Variants in STOX1 observed in about 807,000 individuals in gnomAD.
STOX1 encodes storkhead box 1, also known as storkhead-box protein 1.
Under a neutral mutation model 74.8 loss-of-function variants are expected in STOX1, and 57 were observed. The ratio of observed to expected loss-of-function variants is 0.76; its 90% confidence interval spans 0.62 to 0.95. The LOEUF (loss-of-function observed/expected upper bound fraction) is 0.95. Ranked by LOEUF, STOX1 falls within the 40% of genes least tolerant of loss-of-function variation. The probability of loss-of-function intolerance (pLI) is 0.00; values close to 1 mark genes in which losing one functional copy is unlikely to be tolerated. For synonymous variants in STOX1, 375 were observed against 401.3 expected (o/e 0.93, Z 0.78); for missense variants, 1,010 against 1,117.0 (o/e 0.90, Z 1.37).
intron 1 of STOX1, among the ~76,000 whole-genome samples, chr10:68,865,397 C>T (rs1840379768): frequency 6.6e-6 from 1 of 152,238 alleles, no homozygotes; most frequent in African/African-American, 2.4e-5. Context: ...CGCCTGTAAT[C>T]CCAGCACTTT....
chr10:68,843,052 T>G (rs1839736000), intron 1 of STOX1, among the ~76,000 whole-genome samples: 1 of 152,198 alleles, frequency 6.6e-6, no homozygotes, highest in Non-Finnish European at 1.5e-5. Flanking sequence ...ATATTTTAAT[T>G]TTTTGAAACA....
At chr10:68,842,573 C>T (rs1168003165) in intron 1 of STOX1, among the ~76,000 whole-genome samples, 2 of 113,290 alleles carry the variant, frequency 1.8e-5, no homozygotes, top group Non-Finnish European at 3.3e-5. Context: ...TGGAGTCTTG[C>T]TCTGTCACCC....
At chr10:68,872,027 G>C (rs10082399) in intron 1 of STOX1, among the ~76,000 whole-genome samples, 2 of 151,910 alleles carry the variant, frequency 1.3e-5, no homozygotes, top group Non-Finnish European at 2.9e-5. Flanking sequence ...TTAAACTTGA[G>C]TGTACCTGCA....
At position 68,856,287 on chromosome 10, in the gene STOX1, T is replaced by TA. The variant is rs539573334; in HGVS notation, c.311-25667dup. On this transcript the variant is annotated intron_variant, in intron 1 of 3. Coordinates refer to ENST00000298596, the MANE Select transcript of STOX1 (RefSeq NM_152709.5). ...CAGTTAAATTCAGCATTTACAGGGA[T>TA]AAAATTGCAGCTGCAGGGAGAAGCT... Among the ~76,000 whole-genome samples the TA allele has an allele frequency of 1.6e-3, 245 of 152,132 alleles. 1 individual carries two copies. Among genetic ancestry groups the TA allele is most frequent in the Non-Finnish European group, 2.9e-3 (197 of 68,016 alleles).
At chr10:68,868,615 G>A (rs1363654250) in intron 1 of STOX1, among the ~76,000 whole-genome samples, 5 of 152,154 alleles carry the variant, frequency 3.3e-5, no homozygotes, top group Non-Finnish European at 5.9e-5. Context: ...GGCTGAGGCA[G>A]GAGAATCTCC....
Position 68,885,169 on chromosome 10 carries a change from C to T in STOX1, c.1373C>T (p.Thr458Ile), listed in dbSNP as rs755929976. The T allele has an allele frequency of 2.5e-6, 4 of 1,614,168 alleles. No individual in the cohort carries two copies. In the Admixed American group the frequency reaches 5.0e-5, roughly 20 times the overall value. The change falls in exon 3 of 4, where the codon ACA becomes ATA. Residue 458 changes from threonine to isoleucine, a missense_variant. Coordinates refer to ENST00000298596, the MANE Select transcript of STOX1 (RefSeq NM_152709.5). ...RLEKHPKLPA[T>I]QPIPRIKSPN... The stretch of plus-strand genomic sequence containing the variant: ...GAGAAACACCCCAAGCTCCCTGCTA[C>T]ACAGCCCATCCCCAGAATTAAAAGC...
chr10:68,877,881 TC>T (rs869270570), intron 1 of STOX1, among the ~76,000 whole-genome samples: 3 of 152,192 alleles, frequency 2.0e-5, no homozygotes, highest in Non-Finnish European at 2.9e-5. Flanking sequence ...GGGAAACTTT[TC>T]CCCCCTCTTT....
chr10:68,849,438 G>A (rs1839927370), intron 1 of STOX1, among the ~76,000 whole-genome samples: 1 of 152,142 alleles, frequency 6.6e-6, no homozygotes, highest in South Asian at 2.1e-4. Flanking sequence ...TAATAGTATG[G>A]AATGGCTCAT....
rs533068128 is a variant in STOX1, at chr10:68,854,587, T to C, written c.310+26654T>C. ...TGCTGGGGTTACAGGTGTGAGCCACTCCACCTGGCCCATACCACCTTTCCA... is the reference window on the plus strand; with the variant it reads ...TGCTGGGGTTACAGGTGTGAGCCACCCCACCTGGCCCATACCACCTTTCCA... On this transcript the variant is annotated intron_variant, in intron 1 of 3. Transcript: ENST00000298596. 2.2e-3 allele frequency among the ~76,000 whole-genome samples: 333 copies of C among 152,182 alleles called. 6 individuals are homozygous for C. The South Asian group carries it at 0.027, about 12-fold the overall frequency.
chr10:68,865,186 G>T (rs549113869), intron 1 of STOX1, among the ~76,000 whole-genome samples: 1 of 152,192 alleles, frequency 6.6e-6, no homozygotes, highest in South Asian at 2.1e-4. Flanking sequence ...CCCTACATAC[G>T]TCTGGCAAAT....
chr10:68,858,360 A>T (rs1294331027), intron 1 of STOX1, among the ~76,000 whole-genome samples: 1 of 152,146 alleles, frequency 6.6e-6, no homozygotes, highest in Admixed American at 6.5e-5. Context: ...CCTTGTGAAC[A>T]TATACTGCAG....
intron 1 of STOX1, among the ~76,000 whole-genome samples, chr10:68,836,561 G>T (rs1839559369): frequency 6.6e-6 from 1 of 152,194 alleles, no homozygotes; most frequent in Admixed American, 6.5e-5. Context: ...CCACAGCCGT[G>T]TGTTGTCCTG....
At chr10:68,873,652 T>TC (rs1840601469) in intron 1 of STOX1, among the ~76,000 whole-genome samples, 1 of 59,546 alleles carries the variant, frequency 1.7e-5, no homozygotes, top group Non-Finnish European at 3.8e-5. Flanking sequence ...TTTTTTTTTC[T>TC]TTTTTTTTTT....
chr10:68,874,275 C>T (rs1840621448), intron 1 of STOX1, among the ~76,000 whole-genome samples: 1 of 152,054 alleles, frequency 6.6e-6, no homozygotes, highest in African/African-American at 2.4e-5. Context: ...GATTCACTGG[C>T]ACATAAACCT....
At chr10:68,868,076 C>T (rs1179000527) in intron 1 of STOX1, among the ~76,000 whole-genome samples, 4 of 152,244 alleles carry the variant, frequency 2.6e-5, no homozygotes, top group Non-Finnish European at 4.4e-5. Flanking sequence ...CCAACCGTCG[C>T]TCTGGCGACC....
At position 68,827,553 on chromosome 10, in the gene STOX1, G is replaced by A. The variant is rs1020625898; in HGVS notation, c.-71G>A. Reference sequence around the variant, plus strand: ...CGCGCAGTCGGCCGATCCTCCCGCCGAGCGAGCGGCGTCGTAGCCGCCGCG... The same window carrying A: ...CGCGCAGTCGGCCGATCCTCCCGCCAAGCGAGCGGCGTCGTAGCCGCCGCG... On this transcript the variant is annotated 5_prime_UTR_variant, in exon 1 of 4. Transcript: ENST00000298596. The A allele has an allele frequency of 1.6e-4, 162 of 1,016,094 alleles. 1 individual carries two copies. Among genetic ancestry groups the A allele is most frequent in the Middle Eastern group, 8.5e-4 (2 of 2,344 alleles). The allele number at this position is 1,016,094 out of a possible 1,614,324, so 62.9% of individuals were successfully genotyped here. A position where few individuals can be genotyped will look rare whatever the true frequency, so the allele number is the denominator to read the frequency against.
chr10:68,830,338 T>A (rs544847304), intron 1 of STOX1, among the ~76,000 whole-genome samples: 1 of 152,220 alleles, frequency 6.6e-6, no homozygotes, highest in East Asian at 1.9e-4. Context: ...ATTTTGTTTT[T>A]AATTTAATTT....
chr10:68,849,462 T>C (rs1839927621), intron 1 of STOX1, among the ~76,000 whole-genome samples: 1 of 152,220 alleles, frequency 6.6e-6, no homozygotes, highest in African/African-American at 2.4e-5. Flanking sequence ...ATTTTTAATT[T>C]ATACAGGATG....
rs1840925858 is a variant in STOX1, at chr10:68,885,589, G to C, written c.1793G>C (p.Cys598Ser). ...ATGTTGCAAAATGATGGTAAATGCT[G>C]TCCCTTTATGGAAAGCATGTTGAGA... ...QSMLQNDGKC[C>S]PFMESMLRYE... The change falls in exon 3 of 4, where the codon TGT becomes TCT. Residue 598 changes from cysteine (C) to serine (S), a missense_variant. Transcript: ENST00000298596. 19 of 1,614,170 alleles carry C rather than the reference G, an allele frequency of 1.2e-5. No individual in the cohort carries two copies. The East Asian group carries it at 4.2e-4, about 36-fold the overall frequency.
Sources: allele counts gnomAD v4.1 joint callset (sites outside exome capture counted in the v4.1 genomes callset), GRCh38; gene constraint gnomAD v4.1.1; transcripts MANE v1.5; gene names NCBI Gene and HGNC (gene_info 2026-07-23, HGNC 2026-07-21).